The following ATOSA variants were observed in gnomAD, a reference collection of about 807,000 sequenced individuals.
ATOSA encodes the protein atos homolog protein A.
chr15:52,658,427 G>A, the ATOSA span: 39 of 254,310 alleles, frequency 1.5e-4, no homozygotes, highest in Middle Eastern at 1.2e-3. Context: ...TGCAATTTCA[G>A]TTTATAAAGT....
chr15:52,621,918 C>T, the ATOSA span, among the ~76,000 whole-genome samples: 1 of 151,148 alleles, frequency 6.6e-6, no homozygotes, highest in Non-Finnish European at 1.5e-5. Context: ...GACATGATCT[C>T]GACTCACTGC....
At chr15:52,649,747 GTTA>G in the ATOSA span, 2 of 152,116 alleles carry the variant, frequency 1.3e-5, no homozygotes, top group Non-Finnish European at 1.5e-5. Context: ...TGCTAGCAAT[GTTA>G]TTATAACTGA....
chr15:52,611,073 G>A, the ATOSA span: 2 of 1,518,278 alleles, frequency 1.3e-6, no homozygotes, highest in Non-Finnish European at 8.8e-7. Context: ...ATGCCATTCG[G>A]TTGCTAACCA....
chr15:52,587,269 A>C, the ATOSA span: 1 of 1,443,264 alleles, frequency 6.9e-7, no homozygotes. Flanking sequence ...ATATGTACAT[A>C]AAAGACTAAA....
At chr15:52,591,683 C>A in the ATOSA span, among the ~76,000 whole-genome samples, 1 of 152,066 alleles carries the variant, frequency 6.6e-6, no homozygotes, top group Non-Finnish European at 1.5e-5. Context: ...TGTAAGCATT[C>A]GAGTATAATA....
At chr15:52,677,715 A>G in the ATOSA span, among the ~76,000 whole-genome samples, 1 of 152,208 alleles carries the variant, frequency 6.6e-6, no homozygotes, top group African/African-American at 2.4e-5. Flanking sequence ...CAACTCTAAA[A>G]TGATACCTGT....
At chr15:52,653,782 T>C in the ATOSA span, among the ~76,000 whole-genome samples, 1 of 152,332 alleles carries the variant, frequency 6.6e-6, no homozygotes, top group Non-Finnish European at 1.5e-5. Context: ...AATGACAGTC[T>C]CCTCCAACAC....
the ATOSA span, among the ~76,000 whole-genome samples, chr15:52,699,687 C>T: frequency 3.9e-5 from 6 of 152,138 alleles, 1 homozygote; most frequent in South Asian, 1.2e-3. Flanking sequence ...TATAATCTGT[C>T]CACAGTATTG....
the ATOSA span, among the ~76,000 whole-genome samples, chr15:52,593,129 G>A: frequency 3.3e-3 from 499 of 151,124 alleles, no homozygotes; most frequent in African/African-American, 0.012. Flanking sequence ...CTAGGCAAGA[G>A]AGTGAGATGC....
chr15:52,635,960 C>T, the ATOSA span, among the ~76,000 whole-genome samples: 2 of 150,822 alleles, frequency 1.3e-5, no homozygotes, highest in Non-Finnish European at 3.0e-5. Context: ...GATTGCACCA[C>T]TGCACCCCAG....
At chr15:52,661,931 CAAAAAA>C in the ATOSA span, among the ~76,000 whole-genome samples, 2 of 73,258 alleles carry the variant, frequency 2.7e-5, no homozygotes, top group South Asian at 7.0e-4. Context: ...CAAGCCAGGC[CAAAAAA>C]AAAAAAAAAA....
the ATOSA span, among the ~76,000 whole-genome samples, chr15:52,652,643 A>G: frequency 2.7e-4 from 41 of 152,358 alleles, 1 homozygote; most frequent in African/African-American, 7.9e-4. Flanking sequence ...GAAACAGGTT[A>G]CCAGACTGAC....
At chr15:52,599,830 A>G in the ATOSA span, among the ~76,000 whole-genome samples, 1 of 152,128 alleles carries the variant, frequency 6.6e-6, no homozygotes, top group South Asian at 2.1e-4. Flanking sequence ...ACCCAATTTT[A>G]CCAAGTAAGA....
the ATOSA span, among the ~76,000 whole-genome samples, chr15:52,632,744 C>T: frequency 6.6e-6 from 1 of 152,056 alleles, no homozygotes; most frequent in Non-Finnish European, 1.5e-5. Context: ...AGATTTTATA[C>T]AAAGGACCAG....
chr15:52,621,730 AT>A, the ATOSA span, among the ~76,000 whole-genome samples: 1 of 152,074 alleles, frequency 6.6e-6, no homozygotes, highest in African/African-American at 2.4e-5. Flanking sequence ...TTCTGCCATG[AT>A]TGTGAGGCCT....
chr15:52,607,265 T>C, the ATOSA span, among the ~76,000 whole-genome samples: 1 of 152,168 alleles, frequency 6.6e-6, no homozygotes, highest in Non-Finnish European at 1.5e-5. Context: ...AACTGACCAA[T>C]GGCATAGCAC....
At chr15:52,614,340 C>T in the ATOSA span, among the ~76,000 whole-genome samples, 3 of 150,790 alleles carry the variant, frequency 2.0e-5, no homozygotes, top group South Asian at 2.1e-4. Context: ...TCCTGACCTC[C>T]GGTGATCCAC....
the ATOSA span, among the ~76,000 whole-genome samples, chr15:52,699,273 G>A: frequency 2.6e-5 from 4 of 152,050 alleles, no homozygotes; most frequent in Non-Finnish European, 4.4e-5. Flanking sequence ...AGTTGGGACC[G>A]AAGAACATTT....
chr15:52,617,949 C>A, the ATOSA span, among the ~76,000 whole-genome samples: 1 of 152,076 alleles, frequency 6.6e-6, no homozygotes, highest in Non-Finnish European at 1.5e-5. Context: ...CATGACCCAT[C>A]TGCAGGCCTC....
Sources: allele counts gnomAD v4.1 joint callset (sites outside exome capture counted in the v4.1 genomes callset), GRCh38; gene constraint gnomAD v4.1.1; transcripts MANE v1.5; gene names NCBI Gene and HGNC (gene_info 2026-07-23, HGNC 2026-07-21).